ITPR1: variants seen among roughly 807,000 people sequenced by gnomAD.
The protein encoded by ITPR1 is inositol 1,4,5-trisphosphate-gated calcium channel ITPR1.
In ITPR1, 96 loss-of-function variants were observed where a neutral mutation model predicts 318.4. The observed-to-expected ratio is 0.30, with a 90% CI of 0.26 to 0.36. ITPR1 has a LOEUF of 0.36. Among genes scored for constraint, ITPR1 ranks in the 10% least tolerant of loss-of-function variants. The probability of loss-of-function intolerance (pLI) is 1.00; values close to 1 mark genes in which losing one functional copy is unlikely to be tolerated. For missense variants in ITPR1, 2,440 were observed against 3,460.2 expected, an observed-to-expected ratio of 0.71 and a Z score of 7.40; for synonymous variants, 1,312 against 1,289.9, an observed-to-expected ratio of 1.02 and a Z score of -0.37.
chr3:4,521,927 C>G (rs1302924592), intron 4 of ITPR1, among the ~76,000 whole-genome samples: 1 of 152,122 alleles, frequency 6.6e-6, no homozygotes, highest in Non-Finnish European at 1.5e-5. Context: ...GCTTTTCTAC[C>G]CAAATTAGTT....
chr3:4,703,057 G>A (rs1291406342), intron 36 of ITPR1, 107 bp downstream of exon 36: 1 of 1,285,738 alleles, frequency 7.8e-7, no homozygotes, highest in Non-Finnish European at 1.1e-6. Flanking sequence ...AAGTTACACA[G>A]ACAGGAAGTT....
At chr3:4,574,573 G>A (rs1364296033) in intron 4 of ITPR1, among the ~76,000 whole-genome samples, 1 of 152,186 alleles carries the variant, frequency 6.6e-6, no homozygotes, top group African/African-American at 2.4e-5. Flanking sequence ...GTATTTTGGG[G>A]CTGTGGGATT....
intron 53 of ITPR1, among the ~76,000 whole-genome samples, chr3:4,798,495 G>A (rs765308125): frequency 2.6e-5 from 4 of 152,230 alleles, no homozygotes; most frequent in South Asian, 2.1e-4. Context: ...TGTCATACAC[G>A]GCTGGTGGGA....
At chr3:4,777,231 T>A in intron 47 of ITPR1, 33 bp from the exon 48 acceptor site, 1 of 1,321,474 alleles carries the variant, frequency 7.6e-7, no homozygotes, top group Non-Finnish European at 1.1e-6. Flanking sequence ...ATGACCAGCG[T>A]TTGTGTGAAT....
chr3:4,688,027 C>T (rs2094423806), intron 30 of ITPR1, among the ~76,000 whole-genome samples: 2 of 152,164 alleles, frequency 1.3e-5, no homozygotes, highest in African/African-American at 4.8e-5. Flanking sequence ...GTTCTGTTGT[C>T]AGTCCCTGTT....
At chr3:4,528,123 A>G (rs2083129999) in intron 4 of ITPR1, among the ~76,000 whole-genome samples, 1 of 152,058 alleles carries the variant, frequency 6.6e-6, no homozygotes, top group African/African-American at 2.4e-5. Flanking sequence ...TCCAGCCCAG[A>G]ATCTGCCATG....
At chr3:4,699,094 A>G (rs2094602266) in intron 34 of ITPR1, among the ~76,000 whole-genome samples, 1 of 152,028 alleles carries the variant, frequency 6.6e-6, no homozygotes, top group Admixed American at 6.6e-5. Context: ...CACACCTGTA[A>G]TCCCAGTACT....
chr3:4,569,846 T>C (rs375466250), intron 4 of ITPR1, among the ~76,000 whole-genome samples: 6 of 152,220 alleles, frequency 3.9e-5, no homozygotes, highest in Admixed American at 2.0e-4. Flanking sequence ...AGAGCAGTTG[T>C]TGAATGCATT....
chr3:4,690,042 C>A (rs1352925638), intron 31 of ITPR1, among the ~76,000 whole-genome samples: 2 of 152,172 alleles, frequency 1.3e-5, no homozygotes, highest in South Asian at 4.1e-4. Context: ...TTTGGGAGGC[C>A]AAGGCAGGCG....
Position 4,658,163 on chromosome 3 carries a change from A to G in ITPR1, c.1036A>G (p.Asn346Asp). 2 of 1,613,358 alleles carry G rather than the reference A, an allele frequency of 1.2e-6. No homozygotes were observed. Among genetic ancestry groups the G allele is most frequent in the Non-Finnish European group, 1.7e-6 (2 of 1,179,474 alleles). The change falls in exon 13 of 62, where the codon AAT (asparagine) becomes GAT (aspartate). Residue 346 changes from asparagine (N) to aspartate (D), a missense_variant. Coordinates refer to ENST00000649015, the MANE Select transcript of ITPR1 (RefSeq NM_001378452.1). ...GGACGCCTCTCGAAGTAGGTTGCGG[A>G]ATGCCCAAGAAAAGATGGTATACTC... ...DQDASRSRLR[N>D]AQEKMVYSLV...
intron 4 of ITPR1, among the ~76,000 whole-genome samples, chr3:4,541,156 T>C (rs192840366): frequency 4.5e-4 from 68 of 152,314 alleles, no homozygotes; most frequent in Admixed American, 7.8e-4. Flanking sequence ...ATATTAGATA[T>C]GATTTTGTTT....
At chr3:4,511,177 A>G (rs1305280442) in intron 2 of ITPR1, among the ~76,000 whole-genome samples, 3 of 152,220 alleles carry the variant, frequency 2.0e-5, no homozygotes, top group African/African-American at 4.8e-5. Flanking sequence ...AAAGGTATAG[A>G]GAAGGCAGAG....
At chr3:4,548,960 G>A (rs1170991456) in intron 4 of ITPR1, among the ~76,000 whole-genome samples, 3 of 152,236 alleles carry the variant, frequency 2.0e-5, no homozygotes, top group Admixed American at 2.0e-4. Context: ...GCCGATGTGT[G>A]TTCCCATGTT....
At chr3:4,705,646 G>A (rs2094741492) in intron 36 of ITPR1, among the ~76,000 whole-genome samples, 2 of 152,168 alleles carry the variant, frequency 1.3e-5, no homozygotes, top group African/African-American at 4.8e-5. Context: ...TTTGTCTCAT[G>A]CTTAGACTGG....
At chr3:4,609,247 G>T (rs1040278243) in intron 4 of ITPR1, among the ~76,000 whole-genome samples, 1 of 149,966 alleles carries the variant, frequency 6.7e-6, no homozygotes, top group Non-Finnish European at 1.5e-5. Flanking sequence ...TTCAGGTGGT[G>T]TTCTGGGGAA....
chr3:4,681,043 A>C (rs998214682), intron 25 of ITPR1, among the ~76,000 whole-genome samples: 2 of 152,166 alleles, frequency 1.3e-5, no homozygotes, highest in Non-Finnish European at 2.9e-5. Context: ...TCACTTTGGA[A>C]GTTTTTCCCT....
At chr3:4,688,840 A>T (rs1406082600) in intron 31 of ITPR1, among the ~76,000 whole-genome samples, 3 of 152,202 alleles carry the variant, frequency 2.0e-5, no homozygotes, top group African/African-American at 7.2e-5. Context: ...GGAAAGTGAG[A>T]TGGATAAAGT....
chr3:4,518,594 G>A (rs770322259), intron 3 of ITPR1, among the ~76,000 whole-genome samples: 2 of 152,136 alleles, frequency 1.3e-5, no homozygotes, highest in Non-Finnish European at 2.9e-5. Flanking sequence ...GTGAGTGCCA[G>A]TCGTTATGGG....
chr3:4,576,456 G>A (rs7637687), intron 4 of ITPR1, among the ~76,000 whole-genome samples: 26,744 of 152,082 alleles, frequency 0.18, 2,950 homozygotes, highest in African/African-American at 0.32. Context: ...TACCATGAGA[G>A]ATAATGACTA....
Sources: gnomAD v4.1 joint callset for allele counts (sites outside exome capture counted in the v4.1 genomes callset) on GRCh38, gnomAD v4.1.1 for gene constraint, MANE v1.5 for transcripts, NCBI Gene and HGNC (gene_info 2026-07-23, HGNC 2026-07-21) for gene names.